ANK3: variants seen among roughly 807,000 people sequenced by gnomAD.
ANK3 encodes the protein ankyrin 3.
A neutral mutation model predicts 370.9 loss-of-function variants in ANK3; 57 were observed. That is an observed-to-expected ratio of 0.15 (90% CI 0.12 to 0.19). The LOEUF (loss-of-function observed/expected upper bound fraction) is 0.19, where lower values mean the gene tolerates loss of function less well. ANK3 is among the 10% of genes least tolerant of loss of function. The probability of loss-of-function intolerance (pLI) is 1.00; values close to 1 mark genes in which losing one functional copy is unlikely to be tolerated. For missense variants in ANK3, 4,439 were observed against 5,302.1 expected (o/e 0.84, Z 5.06); for synonymous variants, 1,929 against 1,946.3 (o/e 0.99, Z 0.23).
intron 2 of ANK3, among the ~76,000 whole-genome samples, chr10:60,526,965 T>C (rs1347340811): frequency 6.6e-6 from 1 of 152,162 alleles, no homozygotes; most frequent in African/African-American, 2.4e-5. Flanking sequence ...TGAATGTCCA[T>C]GTTATACACA....
At chr10:60,098,222 C>T (rs749460776) in intron 28 of ANK3, among the ~76,000 whole-genome samples, 19 of 152,048 alleles carry the variant, frequency 1.2e-4, no homozygotes, top group Non-Finnish European at 2.4e-4. Context: ...ATATTCTTTT[C>T]GAGGTCACAC....
chr10:60,034,321 T>C (rs537418347), intron 43 of ANK3, among the ~76,000 whole-genome samples: 1 of 152,052 alleles, frequency 6.6e-6, no homozygotes, highest in East Asian at 1.9e-4. Context: ...CTGGCCAGGG[T>C]GGTCTTGAAC....
At chr10:60,270,101 C>G (rs1199419900) in intron 5 of ANK3, 30 bp downstream of exon 5, 1 of 1,451,792 alleles carries the variant, frequency 6.9e-7, no homozygotes, top group East Asian at 2.5e-5. Context: ...AATACGTGAA[C>G]TCACCCACAG....
chr10:60,415,930 C>CCT (rs1555369991), intron 2 of ANK3, among the ~76,000 whole-genome samples: 3 of 132,050 alleles, frequency 2.3e-5, no homozygotes, highest in Non-Finnish European at 5.0e-5. Context: ...CCCACCCCCC[C>CCT]GCCATTCATG....
At chr10:60,370,124 T>C (rs896944524) in intron 1 of ANK3, among the ~76,000 whole-genome samples, 12 of 152,188 alleles carry the variant, frequency 7.9e-5, no homozygotes, top group African/African-American at 2.4e-4. Flanking sequence ...TCAATAAAGG[T>C]AGCACATTTC....
At chr10:60,382,797 CTATATATA>C (rs5785442) in intron 1 of ANK3, among the ~76,000 whole-genome samples, 5,646 of 133,736 alleles carry the variant, frequency 0.042, 219 homozygotes, top group Admixed American at 0.13. Context: ...ATACCTAAAT[CTATATATA>C]TATATATATA....
chr10:60,420,755 G>A (rs1177113392), intron 2 of ANK3, among the ~76,000 whole-genome samples: 8 of 152,054 alleles, frequency 5.3e-5, no homozygotes, highest in Non-Finnish European at 7.4e-5. Flanking sequence ...AAGAAAAGGA[G>A]AGATCCCTTT....
intron 2 of ANK3, among the ~76,000 whole-genome samples, chr10:60,523,549 T>C (rs564760106): frequency 2.1e-4 from 32 of 152,108 alleles, no homozygotes; most frequent in African/African-American, 7.7e-4. Flanking sequence ...GTTTCATCCA[T>C]GTCCCTACAA....
chr10:60,668,619 A>T (rs1055486724), intron 1 of ANK3, among the ~76,000 whole-genome samples: 3 of 152,218 alleles, frequency 2.0e-5, no homozygotes, highest in East Asian at 3.9e-4. Context: ...CCACTGGGAG[A>T]TGGGAGGAAG....
intron 7 of ANK3, among the ~76,000 whole-genome samples, chr10:60,245,007 A>T (rs373619855): frequency 8.5e-4 from 129 of 152,230 alleles, no homozygotes; most frequent in African/African-American, 3.1e-3. Context: ...GTCTCTACTA[A>T]AAATACAAAA....
intron 1 of ANK3, among the ~76,000 whole-genome samples, chr10:60,329,054 G>T (rs1236055367): frequency 1.3e-5 from 2 of 152,158 alleles, no homozygotes; most frequent in African/African-American, 4.8e-5. Context: ...TTCAATAGAT[G>T]CAGAAAAGGC....
In ANK3 at chr10:60,708,702, C is replaced by G. The variant is rs192079301; in HGVS notation, c.57+24561G>C. ...AAAGAAATACCCAATTCCAGTACCC[C>G]CTAGCATTTCTGTCTCACCTAAGGG... On this transcript the variant is annotated intron_variant, in intron 1 of 43. Coordinates refer to the ANK3 transcript ENST00000373827. Among the ~76,000 whole-genome samples the G allele has an allele frequency of 4.9e-4, 74 of 152,254 alleles. No individual in the cohort carries two copies. The East Asian group carries it at 0.013, about 27-fold the overall frequency.
chr10:60,154,765 A>T (rs1270436853), intron 23 of ANK3, among the ~76,000 whole-genome samples: 1 of 152,246 alleles, frequency 6.6e-6, no homozygotes, highest in African/African-American at 2.4e-5. Context: ...ACTGCACTCC[A>T]GCCTGGGCAA....
intron 7 of ANK3, among the ~76,000 whole-genome samples, chr10:60,247,512 G>A (rs867923576): frequency 2.6e-5 from 4 of 152,158 alleles, no homozygotes; most frequent in Admixed American, 2.0e-4. Context: ...CATTAGCTAC[G>A]CCTATGCCCC....
chr10:60,645,882 C>T (rs1237799190), intron 1 of ANK3, among the ~76,000 whole-genome samples: 1 of 152,186 alleles, frequency 6.6e-6, no homozygotes, highest in East Asian at 1.9e-4. Flanking sequence ...GTAACAGTCT[C>T]CCTTCTTGCG....
chr10:60,241,144 C>T (rs1318472817), intron 7 of ANK3, among the ~76,000 whole-genome samples: 1 of 152,132 alleles, frequency 6.6e-6, no homozygotes, highest in African/African-American at 2.4e-5. Flanking sequence ...TTTGAAGGAA[C>T]CTGAGAATAT....
chr10:60,563,199 G>C (rs1373585294), intron 2 of ANK3, among the ~76,000 whole-genome samples: 1 of 152,096 alleles, frequency 6.6e-6, no homozygotes, highest in South Asian at 2.1e-4. Flanking sequence ...TTATGATTAA[G>C]CAAGCAGTTT....
chr10:60,500,187 A>G (rs2075761764), intron 2 of ANK3, among the ~76,000 whole-genome samples: 1 of 152,124 alleles, frequency 6.6e-6, no homozygotes, highest in African/African-American at 2.4e-5. Context: ...AAGAAGAATG[A>G]TCCTTGCCCT....
At chr10:60,129,961 A>G (rs938668323) in intron 25 of ANK3, among the ~76,000 whole-genome samples, 3 of 152,242 alleles carry the variant, frequency 2.0e-5, no homozygotes, top group African/African-American at 7.2e-5. Flanking sequence ...TTGCTGTGGA[A>G]AGGCTACATT....
Sources: allele counts gnomAD v4.1 joint callset (sites outside exome capture counted in the v4.1 genomes callset), GRCh38; gene constraint gnomAD v4.1.1; transcripts MANE v1.5; gene names NCBI Gene and HGNC (gene_info 2026-07-23, HGNC 2026-07-21).